Variants in PCDHGA7 observed in about 807,000 individuals in gnomAD.
PCDHGA7 encodes protocadherin gamma-A7.
A neutral mutation model predicts 58.3 loss-of-function variants in PCDHGA7; 44 were observed. The ratio of observed to expected loss-of-function variants is 0.75; its 90% CI spans 0.59 to 0.97. The LOEUF (loss-of-function observed/expected upper bound fraction) is 0.97, where lower values mean the gene tolerates loss of function less well. Ranked by LOEUF, PCDHGA7 falls within the 50% of genes least tolerant of loss-of-function variation. The probability of loss-of-function intolerance (pLI) is 0.00; values close to 1 mark genes in which losing one functional copy is unlikely to be tolerated. For missense variants in PCDHGA7, 1,266 were observed against 1,188.7 expected, an observed-to-expected ratio of 1.06 and a Z score of -0.96; for synonymous variants, 516 against 504.2, an observed-to-expected ratio of 1.02 and a Z score of -0.31.
chr5:141,420,044 T>C lies in PCDHGA7; in HGVS notation c.2424+34721T>C, dbSNP rs769790599. 1.7e-5 allele frequency: 27 copies of C among 1,613,934 alleles called. No individual in the cohort carries two copies. In the East Asian group the frequency reaches 6.0e-4, roughly 36 times the overall value. On this transcript the variant is annotated intron_variant, in intron 1 of 3. Coordinates refer to ENST00000518325, the MANE Select transcript of PCDHGA7 (RefSeq NM_018920.4). ...CCCTACTGCAGGAGACTGCTTTGAG[T>C]CAGTTCTCTGCTCCAAGTCCGGACC...
At chr5:141,456,615 A>G (rs561978043) in intron 1 of PCDHGA7, among the ~76,000 whole-genome samples, 3 of 152,318 alleles carry the variant, frequency 2.0e-5, no homozygotes, top group East Asian at 3.9e-4. Flanking sequence ...AAGTCCCTGT[A>G]GATTTGCCTC....
At chr5:141,427,355 C>T (rs765449381) in intron 1 of PCDHGA7, 2 of 457,430 alleles carry the variant, frequency 4.4e-6, no homozygotes, top group African/African-American at 2.0e-5. Flanking sequence ...TAACTGAGGA[C>T]GCAGAACCCT....
intron 1 of PCDHGA7, chr5:141,419,472 G>A (rs1392935171): frequency 6.2e-7 from 1 of 1,612,330 alleles, no homozygotes; most frequent in Non-Finnish European, 8.5e-7. Flanking sequence ...CGCGACCAGG[G>A]CTCGCCCGCG....
At chr5:141,405,145 G>T (rs772542898) in intron 1 of PCDHGA7, 1 of 1,614,070 alleles carries the variant, frequency 6.2e-7, no homozygotes, top group Non-Finnish European at 8.5e-7. Context: ...CCAGTGATGG[G>T]TTGGCTGGTG....
At chr5:141,423,100 G>A in intron 1 of PCDHGA7, 1 of 1,613,944 alleles carries the variant, frequency 6.2e-7, no homozygotes, top group Non-Finnish European at 8.5e-7. Context: ...GGAGCACACG[G>A]GCGAGGTGCG....
Position 141,476,852 on chromosome 5 carries a change from C to T in PCDHGA7, c.2425-17955C>T. 6.2e-7 allele frequency: 1 copy of T among 1,613,828 alleles called. No homozygotes were observed. Among genetic ancestry groups the T allele is most frequent in the Non-Finnish European group, 8.5e-7 (1 of 1,180,044 alleles). ...GAATGACAATGCGCCTGTCTTCAAC[C>T]AGTCCTTGTACCGGGCGCGCGTCCT... On this transcript the variant is annotated intron_variant, in intron 1 of 3. Coordinates refer to ENST00000518325, the MANE Select transcript of PCDHGA7 (RefSeq NM_018920.4). This position sits in a 1 kb window ranked among gnomAD's most constrained non-coding sequence, Gnocchi z 7.6.
rs759809591 is a variant in PCDHGA7 at position 141,511,048 on chromosome 5, C to T, written c.2674C>T (p.Arg892Cys). The change falls in exon 4 of 4, where the codon CGC becomes TGC. Residue 892 changes from arginine (R) to cysteine (C), a missense_variant. Coordinates refer to ENST00000518325, the MANE Select transcript of PCDHGA7 (RefSeq NM_018920.4). ...QFTLQHVPDY[R>C]QNVYIPGSNA... ...CACCCTGCAGCACGTGCCCGACTAC[C>T]GCCAGAATGTCTACATCCCAGGCAG... 9 of 1,614,224 alleles carry T rather than the reference C, an allele frequency of 5.6e-6. No individual in the cohort carries two copies. The highest frequency in any genetic ancestry group is 1.7e-5 in the Admixed American group (1 of 60,034).
intron 1 of PCDHGA7, chr5:141,399,149 C>A: frequency 6.2e-7 from 1 of 1,613,772 alleles, no homozygotes; most frequent in Non-Finnish European, 8.5e-7. Flanking sequence ...GACAATAGCC[C>A]AGAAGTTACA....
intron 2 of PCDHGA7, among the ~76,000 whole-genome samples, chr5:141,502,905 A>T (rs1364939091): frequency 1.5e-5 from 2 of 131,814 alleles, no homozygotes; most frequent in Non-Finnish European, 3.0e-5. Flanking sequence ...CTCTGTTGCC[A>T]GGCTGGAGTG....
intron 1 of PCDHGA7, chr5:141,478,871 T>C: frequency 2.4e-6 from 3 of 1,274,796 alleles, no homozygotes; most frequent in Non-Finnish European, 3.1e-6. Flanking sequence ...GCGATCAGAG[T>C]TTAGCTTGGT....
At chr5:141,494,676 CT>C (rs2099756021) in intron 1 of PCDHGA7, 130 bp from the exon 2 acceptor site, 6 of 1,550,918 alleles carry the variant, frequency 3.9e-6, no homozygotes, top group Non-Finnish European at 4.4e-6. Context: ...GAGTCCACCC[CT>C]GCCCCCTCTT....
In PCDHGA7 at chr5:141,505,598, C is replaced by T. The variant is rs532473064; in HGVS notation, c.2572+117C>T. The T allele has an allele frequency of 1.4e-3, 2,157 of 1,556,732 alleles. 3 individuals are homozygous for T. Among genetic ancestry groups the T allele is most frequent in the Non-Finnish European group, 1.8e-3 (2,025 of 1,148,246 alleles). ...ACCTGTGTAGTTTCTCCAGATCTTT[C>T]GGCAGGTCTGAAAGGACCCACAATT... On this transcript the variant is annotated intron_variant, in intron 3 of 3. Coordinates refer to ENST00000518325, the MANE Select transcript of PCDHGA7 (RefSeq NM_018920.4).
At chr5:141,480,240 CAAA>C (rs11374694) in intron 1 of PCDHGA7, among the ~76,000 whole-genome samples, 1 of 114,046 alleles carries the variant, frequency 8.8e-6, no homozygotes, top group African/African-American at 3.3e-5. Flanking sequence ...CCTGTCTCTA[CAAA>C]AAAAAAAAAA....
At chr5:141,478,019 C>T in intron 1 of PCDHGA7, 1 of 1,614,136 alleles carries the variant, frequency 6.2e-7, no homozygotes, top group Non-Finnish European at 8.5e-7. Flanking sequence ...CCGTCCAGTC[C>T]AAGACACAGA....
Position 141,490,350 on chromosome 5 carries a change from G to T in PCDHGA7, c.2425-4457G>T. On this transcript the variant is annotated intron_variant, in intron 1 of 3. Transcript: ENST00000518325. This position sits in a 1 kb window ranked among gnomAD's most constrained non-coding sequence, Gnocchi z 5.4. Reference sequence around the variant, plus strand: ...GCACACCAGTGGGCACAGTAGTGGGGTTGTTTAATGTGCGAGACCGGGACT... The same window carrying T: ...GCACACCAGTGGGCACAGTAGTGGGTTTGTTTAATGTGCGAGACCGGGACT... 2 of 1,614,204 alleles carry T rather than the reference G, an allele frequency of 1.2e-6. No homozygotes were observed. The highest frequency in any genetic ancestry group is 1.7e-6 in the Non-Finnish European group (2 of 1,180,034).
intron 1 of PCDHGA7, chr5:141,409,953 C>T: frequency 6.2e-7 from 1 of 1,613,398 alleles, no homozygotes; most frequent in Non-Finnish European, 8.5e-7. Context: ...TCTGCAGAGC[C>T]CGGCTACCTA....
intron 1 of PCDHGA7, among the ~76,000 whole-genome samples, chr5:141,488,635 C>T (rs1476156734): frequency 6.6e-6 from 1 of 152,152 alleles, no homozygotes; most frequent in Non-Finnish European, 1.5e-5. Flanking sequence ...ACCTTAGCAG[C>T]ATTCAGCAGG....
rs753664223 is a variant in PCDHGA7 at position 141,410,518 on chromosome 5, C to G, written c.2424+25195C>G. 5.0e-6 allele frequency: 8 copies of G among 1,613,820 alleles called. No homozygotes were observed. In the East Asian group the frequency reaches 1.8e-4, roughly 36 times the overall value. On this transcript the variant is annotated intron_variant, in intron 1 of 3. Coordinates refer to ENST00000518325, the MANE Select transcript of PCDHGA7 (RefSeq NM_018920.4). ...TTAATTTCCTAAAATGCAGTGTGCC[C>G]CTACATTCCAATGAAGACATGGTTT...
chr5:141,454,128 C>T (rs988254902), intron 1 of PCDHGA7, among the ~76,000 whole-genome samples: 4 of 152,122 alleles, frequency 2.6e-5, no homozygotes, highest in African/African-American at 7.2e-5. Flanking sequence ...AATAGCTGAC[C>T]ATGGGAATGT....
Sources: gnomAD v4.1 joint callset for allele counts (sites outside exome capture counted in the v4.1 genomes callset) on GRCh38, gnomAD v4.1.1 for gene constraint, Gnocchi (gnomAD v3.1) non-coding constraint, MANE v1.5 for transcripts, NCBI Gene and HGNC (gene_info 2026-07-23, HGNC 2026-07-21) for gene names.